Variants in CPED1 observed in about 807,000 individuals in gnomAD.
CPED1 encodes the protein cadherin like and PC-esterase domain containing 1, also known as cadherin-like and PC-esterase domain-containing protein 1.
Under a neutral mutation model 128.2 loss-of-function variants are expected in CPED1, and 114 were observed. The ratio of observed to expected loss-of-function variants is 0.89; its 90% CI spans 0.76 to 1.04. The LOEUF (loss-of-function observed/expected upper bound fraction) is 1.04, where lower values mean the gene tolerates loss of function less well. Ranked by LOEUF, CPED1 falls within the 50% of genes least tolerant of loss-of-function variation. CPED1 has a pLI of 0.00. For synonymous variants in CPED1, 462 were observed against 426.7 expected (o/e 1.08, Z -1.02); for missense variants, 1,211 against 1,207.1 (o/e 1.00, Z -0.05).
chr7:121,115,786 C>T (rs938437620), intron 7 of CPED1, among the ~76,000 whole-genome samples: 1 of 152,088 alleles, frequency 6.6e-6, no homozygotes, highest in Admixed American at 6.5e-5. Flanking sequence ...TCAAAGAAGG[C>T]TTGGTTTTAA....
chr7:121,138,631 G>A (rs1795833127), intron 14 of CPED1, among the ~76,000 whole-genome samples: 1 of 152,034 alleles, frequency 6.6e-6, no homozygotes, highest in Non-Finnish European at 1.5e-5. Context: ...TGACTATTAA[G>A]TGAAAGTATA....
chr7:121,142,172 G>A (rs746429472), intron 16 of CPED1, 31 bp downstream of exon 16: 2 of 1,554,170 alleles, frequency 1.3e-6, no homozygotes, highest in Non-Finnish European at 1.8e-6. Flanking sequence ...CACTTGGGTT[G>A]AATTGGGAAT....
chr7:121,219,210 A>C (rs962118091), intron 16 of CPED1, among the ~76,000 whole-genome samples: 10 of 152,030 alleles, frequency 6.6e-5, no homozygotes, highest in Admixed American at 1.3e-4. Flanking sequence ...AAACCACAAC[A>C]AAGGCTGCTT....
chr7:121,013,147 T>G (rs1231446628), intron 2 of CPED1, among the ~76,000 whole-genome samples: 3 of 152,202 alleles, frequency 2.0e-5, no homozygotes, highest in African/African-American at 7.2e-5. Context: ...ACTTGTTTGT[T>G]TACTTTGGCT....
intron 3 of CPED1, among the ~76,000 whole-genome samples, chr7:121,039,585 C>T (rs545775826): frequency 1.3e-5 from 2 of 151,956 alleles, no homozygotes; most frequent in East Asian, 1.9e-4. Context: ...TTAGAAATTT[C>T]GTAAAATGCA....
At chr7:121,219,918 A>G (rs2116618477) in intron 16 of CPED1, among the ~76,000 whole-genome samples, 1 of 152,210 alleles carries the variant, frequency 6.6e-6, no homozygotes, top group Non-Finnish European at 1.5e-5. Flanking sequence ...AGAATAACTT[A>G]AGTAGCTGTA....
intron 3 of CPED1, among the ~76,000 whole-genome samples, chr7:121,045,174 A>C (rs1793162731): frequency 6.6e-6 from 1 of 152,190 alleles, no homozygotes; most frequent in Non-Finnish European, 1.5e-5. Flanking sequence ...TGTATGGAGC[A>C]GGGTAGATCT....
intron 7 of CPED1, among the ~76,000 whole-genome samples, chr7:121,101,579 C>T (rs571646006): frequency 2.7e-4 from 41 of 152,132 alleles, no homozygotes; most frequent in African/African-American, 8.7e-4. Flanking sequence ...AATCTGTGTC[C>T]GTTTTTGCAT....
chr7:121,157,785 C>T (rs1030073801), intron 16 of CPED1, among the ~76,000 whole-genome samples: 2 of 152,066 alleles, frequency 1.3e-5, no homozygotes, highest in East Asian at 1.9e-4. Context: ...GACCTAGACA[C>T]GGTTCTTGAG....
At chr7:121,105,228 A>G (rs1794946722) in intron 7 of CPED1, among the ~76,000 whole-genome samples, 1 of 152,158 alleles carries the variant, frequency 6.6e-6, no homozygotes, top group Non-Finnish European at 1.5e-5. Flanking sequence ...CATTTTGGAA[A>G]TATGACACAG....
chr7:121,016,538 A>G (rs1188403123), intron 3 of CPED1, among the ~76,000 whole-genome samples: 1 of 152,126 alleles, frequency 6.6e-6, no homozygotes, highest in Non-Finnish European at 1.5e-5. Context: ...ATTAATTCCA[A>G]CCCCTAACCC....
intron 16 of CPED1, among the ~76,000 whole-genome samples, chr7:121,142,866 A>G (rs1795938417): frequency 6.6e-6 from 1 of 151,932 alleles, no homozygotes; most frequent in Non-Finnish European, 1.5e-5. Context: ...CTATTAATTC[A>G]CTCAGAAAGT....
intron 21 of CPED1, among the ~76,000 whole-genome samples, chr7:121,268,866 C>T (rs1483714210): frequency 6.6e-6 from 1 of 151,948 alleles, no homozygotes; most frequent in Non-Finnish European, 1.5e-5. Flanking sequence ...CAGAGAAAAC[C>T]TCTTGACACA....
intron 12 of CPED1, among the ~76,000 whole-genome samples, chr7:121,132,037 T>G (rs1228277851): frequency 6.6e-6 from 1 of 151,888 alleles, no homozygotes; most frequent in Admixed American, 6.6e-5. Flanking sequence ...TAAACCTTAC[T>G]ACGTTTGTCA....
At chr7:121,009,208 G>A (rs1585015200) in intron 2 of CPED1, among the ~76,000 whole-genome samples, 1 of 152,104 alleles carries the variant, frequency 6.6e-6, no homozygotes, top group Admixed American at 6.5e-5. Context: ...TGAAGGAAGT[G>A]CAGCACAGCA....
intron 7 of CPED1, among the ~76,000 whole-genome samples, chr7:121,115,708 T>C (rs1189372386): frequency 6.6e-6 from 1 of 152,206 alleles, no homozygotes; most frequent in Non-Finnish European, 1.5e-5. Flanking sequence ...TGCCATCTTC[T>C]AGTCAAGGTA....
rs536600086 is a variant in CPED1, at chr7:121,142,713, A to T, written c.2055+572A>T. Among the ~76,000 whole-genome samples the T allele has an allele frequency of 7.0e-4, 107 of 151,992 alleles. 1 individual carries two copies. The highest frequency in any genetic ancestry group is 1.3e-3 in the Non-Finnish European group (89 of 67,962). On this transcript the variant is annotated intron_variant, in intron 16 of 22. Coordinates refer to ENST00000310396, the MANE Select transcript of CPED1 (RefSeq NM_024913.5). ...TTCATTTTGGAGAAGGATGAATGTTACCCTAACACTTTTGTTCTACGGTTT... is the reference window on the plus strand; with the variant it reads ...TTCATTTTGGAGAAGGATGAATGTTTCCCTAACACTTTTGTTCTACGGTTT...
rs563875286 is a variant in CPED1 at position 121,194,960 on chromosome 7, C to T, written c.2056-41754C>T. 12 of 152,154 alleles carry T rather than the reference C, an allele frequency of 7.9e-5. 1 individual carries two copies. The highest frequency in any genetic ancestry group is 4.6e-4 in the Admixed American group (7 of 15,262). The allele number at this position is 152,154 out of a possible 1,614,324, so 9.4% of individuals were successfully genotyped here. A position where few individuals can be genotyped will look rare whatever the true frequency, so the allele number is the denominator to read the frequency against. On this transcript the variant is annotated intron_variant, in intron 16 of 22. Transcript: ENST00000310396. Reference sequence around the variant, plus strand: ...AATTTTCTGTTTTAAAAATATGGAACGCTTCGTGAATTTGTTGCATGTCAT... The same window carrying T: ...AATTTTCTGTTTTAAAAATATGGAATGCTTCGTGAATTTGTTGCATGTCAT...
chr7:121,027,568 A>T (rs1792622431), intron 3 of CPED1, among the ~76,000 whole-genome samples: 1 of 152,054 alleles, frequency 6.6e-6, no homozygotes, highest in Admixed American at 6.6e-5. Flanking sequence ...TCTATGGTAC[A>T]GCAAAATGAA....
Sources: gnomAD v4.1 joint callset for allele counts (sites outside exome capture counted in the v4.1 genomes callset) on GRCh38, gnomAD v4.1.1 for gene constraint, MANE v1.5 for transcripts, NCBI Gene and HGNC (gene_info 2026-07-23, HGNC 2026-07-21) for gene names.